Variants in LARP4B observed in about 807,000 individuals in gnomAD.
The protein encoded by LARP4B is la-related protein 4B.
LARP4B carries 12 observed loss-of-function variants against 89.8 expected under a neutral mutation model. The observed-to-expected ratio is 0.13, with a 90% CI of 0.09 to 0.22. LARP4B has a LOEUF of 0.22. Ranked by LOEUF, LARP4B falls within the 10% of genes least tolerant of loss-of-function variation. The pLI, the probability that LARP4B is intolerant of heterozygous loss-of-function variation, is 1.00. For missense variants in LARP4B, 757 were observed against 947.7 expected, an observed-to-expected ratio of 0.80 and a Z score of 2.64; for synonymous variants, 367 against 363.3, an observed-to-expected ratio of 1.01 and a Z score of -0.12.
intron 8 of LARP4B, among the ~76,000 whole-genome samples, chr10:831,478 T>C (rs919662923): frequency 2.6e-5 from 4 of 151,678 alleles, no homozygotes; most frequent in Admixed American, 6.6e-5. Flanking sequence ...AACAGGGGAG[T>C]TGGCCTTCAG....
At chr10:977,115 G>T in the LARP4B span, among the ~76,000 whole-genome samples, 4 of 152,134 alleles carry the variant, frequency 2.6e-5, no homozygotes, top group Admixed American at 2.6e-4. Context: ...CTACCATAAG[G>T]TATTTAAATA....
rs1260898299 is a variant in LARP4B, at chr10:864,244, C to G, written c.168G>C (p.Leu56=). The G allele has an allele frequency of 6.2e-7, 1 of 1,614,178 alleles. No homozygotes were observed. Among genetic ancestry groups the G allele is most frequent in the African/African-American group, 1.3e-5 (1 of 75,036 alleles). Residue 56 remains leucine (L), a synonymous_variant, in exon 4 of 18, where the codon CTG becomes CTC. Coordinates refer to ENST00000316157, the MANE Select transcript of LARP4B (RefSeq NM_015155.3). Reference sequence around the variant, plus strand: ...CCCCCCACACTTCTGCATTAGGGTTCAGCTCTGAAACCTTAGTTGCTGGTA... The same window carrying G: ...CCCCCCACACTTCTGCATTAGGGTTGAGCTCTGAAACCTTAGTTGCTGGTA... ...SQVPATKVSE[L]NPNAEVWGAP... is the part of the protein sequence containing the mutation.
At chr10:937,999 C>T in the LARP4B span, among the ~76,000 whole-genome samples, 1 of 151,492 alleles carries the variant, frequency 6.6e-6, no homozygotes, top group Middle Eastern at 3.4e-3. Context: ...ATTCTCGTGC[C>T]TCAGCCTCCT....
the LARP4B span, chr10:988,249 G>T: frequency 2.0e-6 from 1 of 494,982 alleles, no homozygotes; most frequent in Non-Finnish European, 3.6e-6. Flanking sequence ...AAACCCGGGC[G>T]TCCTCTCCTC....
the LARP4B span, among the ~76,000 whole-genome samples, chr10:962,342 C>T: frequency 2.9e-4 from 44 of 150,818 alleles, no homozygotes; most frequent in Non-Finnish European, 5.5e-4. Context: ...CTTTTGGGTT[C>T]GGGCCCAACA....
intron 1 of LARP4B, among the ~76,000 whole-genome samples, chr10:893,255 C>G (rs1304301941): frequency 6.6e-6 from 1 of 151,896 alleles, no homozygotes; most frequent in Non-Finnish European, 1.5e-5. Context: ...TAGGCTTGTT[C>G]TTTGAGGTAA....
At chr10:835,563 C>T (rs1235032582) in intron 8 of LARP4B, among the ~76,000 whole-genome samples, 2 of 152,156 alleles carry the variant, frequency 1.3e-5, no homozygotes, top group African/African-American at 2.4e-5. Context: ...AAGGTGTGAC[C>T]ATCAGTGTGT....
chr10:832,646 C>G lies in LARP4B; in HGVS notation c.751-1669G>C, dbSNP rs75044839. Among the ~76,000 whole-genome samples, 840 of 152,172 alleles carry G rather than the reference C, an allele frequency of 5.5e-3. 6 individuals are homozygous for G. Among genetic ancestry groups the G allele is most frequent in the African/African-American group, 0.019 (790 of 41,504 alleles). On this transcript the variant is annotated intron_variant, in intron 8 of 17. Transcript: ENST00000316157. ...TGATAAAAACCACAGAAAACGTATA[C>G]CAGAAGAGAGAGTATCTTTAAAACA... is the stretch of plus-strand genomic sequence containing the variant.
At chr10:962,781 C>T in the LARP4B span, among the ~76,000 whole-genome samples, 1 of 152,244 alleles carries the variant, frequency 6.6e-6, no homozygotes, top group African/African-American at 2.4e-5. Context: ...CTTTGAACTC[C>T]CACTGGCCAA....
At chr10:863,476 G>A (rs907416111) in intron 5 of LARP4B, among the ~76,000 whole-genome samples, 2 of 151,910 alleles carry the variant, frequency 1.3e-5, no homozygotes, top group Non-Finnish European at 1.5e-5. Context: ...TGATCTGCCC[G>A]CCTCGGCCTC....
At chr10:833,378 C>T (rs1328971339) in intron 8 of LARP4B, among the ~76,000 whole-genome samples, 1 of 150,708 alleles carries the variant, frequency 6.6e-6, no homozygotes, top group East Asian at 2.0e-4. Context: ...AAGAAGCATG[C>T]CCTAAAGCAC....
At chr10:837,169 C>T (rs914293919) in intron 7 of LARP4B, among the ~76,000 whole-genome samples, 10 of 152,194 alleles carry the variant, frequency 6.6e-5, no homozygotes, top group African/African-American at 2.2e-4. Context: ...TTACATGAAA[C>T]AGAAACATTC....
intron 11 of LARP4B, among the ~76,000 whole-genome samples, chr10:827,078 A>C (rs924611486): frequency 8.5e-5 from 13 of 152,178 alleles, no homozygotes; most frequent in African/African-American, 2.7e-4. Flanking sequence ...GATCAAGACC[A>C]TCCTGGCTAA....
the LARP4B span, among the ~76,000 whole-genome samples, chr10:968,030 T>C: frequency 2.0e-5 from 3 of 152,168 alleles, no homozygotes; most frequent in Non-Finnish European, 2.9e-5. Flanking sequence ...AGCAGTGTTT[T>C]TGATGGACTG....
chr10:820,660 T>C (rs538449773), intron 14 of LARP4B, 140 bp downstream of exon 14: 184 of 755,850 alleles, frequency 2.4e-4, no homozygotes, highest in Non-Finnish European at 3.8e-4. Context: ...GTGTCAGTTA[T>C]TACTTAGTGG....
intron 5 of LARP4B, among the ~76,000 whole-genome samples, 180 bp downstream of exon 5, chr10:863,563 T>C (rs189273754): frequency 1.1e-4 from 17 of 152,196 alleles, no homozygotes; most frequent in African/African-American, 3.6e-4. Flanking sequence ...CATTCCTCCA[T>C]GGCACCTCCC....
the LARP4B span, among the ~76,000 whole-genome samples, chr10:945,689 G>GAA: frequency 0.14 from 19,915 of 142,438 alleles, 1,718 homozygotes; most frequent in Non-Finnish European, 0.2. Flanking sequence ...CTCCGTCTCA[G>GAA]AAAAAAAAAA....
downstream of LARP4B, chr10:809,108 C>T (rs1220361680): frequency 1.3e-5 from 2 of 152,176 alleles, no homozygotes; most frequent in Non-Finnish European, 2.9e-5. Flanking sequence ...GTGCCTGGCA[C>T]AGGAGGGGCC....
downstream of LARP4B, chr10:808,106 A>C (rs913512465): frequency 1.3e-5 from 2 of 152,406 alleles, no homozygotes; most frequent in East Asian, 3.9e-4. Flanking sequence ...TCTGACAGCC[A>C]TGAGGAGACC....
Sources: gnomAD v4.1 joint callset for allele counts (sites outside exome capture counted in the v4.1 genomes callset) on GRCh38, gnomAD v4.1.1 for gene constraint, MANE v1.5 for transcripts, NCBI Gene and HGNC (gene_info 2026-07-23, HGNC 2026-07-21) for gene names.